PREPL: variants seen among roughly 807,000 people sequenced by gnomAD.
The protein encoded by PREPL is prolyl endopeptidase-like.
A neutral mutation model predicts 70.6 loss-of-function variants in PREPL; 77 were observed. The observed-to-expected ratio is 1.09, with a 90% CI of 0.91 to 1.32. The LOEUF (loss-of-function observed/expected upper bound fraction) is 1.32. Among genes scored for constraint, PREPL ranks in the 40% most tolerant of loss-of-function variants. The pLI, the probability that PREPL is intolerant of heterozygous loss-of-function variation, is 0.00. For synonymous variants in PREPL, 315 were observed against 264.8 expected, an observed-to-expected ratio of 1.19 and a Z score of -1.84; for missense variants, 1,002 against 778.2, an observed-to-expected ratio of 1.29 and a Z score of -3.42.
In PREPL at chr2:44,338,495, C is replaced by A. The variant is rs767015012; in HGVS notation, c.744G>T (p.Trp248Cys). ...TTCTCTTCATTGTAAAAAATAAATC[C>A]CAATTCATAATTGCAGGGGTATCAG... Reference protein sequence around the residue: ...TAADTPAIMNWDLFFTMKRNT... With the variant: ...TAADTPAIMNCDLFFTMKRNT... The change falls in exon 7 of 14, where the codon TGG becomes TGT. Residue 248 changes from tryptophan (W) to cysteine (C), a missense_variant. Physicochemically the swap from Trp to Cys is radical, Grantham distance 215 (BLOSUM62 -2). Transcript: ENST00000409411. The A allele has an allele frequency of 6.2e-7, 1 of 1,612,484 alleles. No homozygotes were observed. The highest frequency in any genetic ancestry group is 8.5e-7 in the Non-Finnish European group (1 of 1,179,568).
At chr2:44,336,790 T>C (rs528767189) in intron 7 of PREPL, among the ~76,000 whole-genome samples, 3 of 152,274 alleles carry the variant, frequency 2.0e-5, no homozygotes, top group African/African-American at 7.2e-5. Context: ...AGGACATCCC[T>C]CCAAGTCAGT....
intron 1 of PREPL, among the ~76,000 whole-genome samples, chr2:44,352,120 G>C (rs1572563047): frequency 6.6e-6 from 1 of 152,140 alleles, no homozygotes; most frequent in South Asian, 2.1e-4. Flanking sequence ...CATCTTCTAA[G>C]TTAGGCCTTT....
chr2:44,359,851 C>T (rs1677482657), intron 1 of PREPL: 2 of 617,042 alleles, frequency 3.2e-6, no homozygotes, highest in South Asian at 2.1e-5. Context: ...AGGGCCATGC[C>T]CCACTTAGGT....
At chr2:44,326,988 G>T in intron 9 of PREPL, 60 bp from the exon 10 acceptor site, 1 of 1,420,152 alleles carries the variant, frequency 7.0e-7, no homozygotes. Context: ...GTAGGCTGGG[G>T]TCAGCGAACT....
intron 10 of PREPL, among the ~76,000 whole-genome samples, chr2:44,324,630 C>A (rs1265163958): frequency 6.6e-6 from 1 of 152,070 alleles, no homozygotes; most frequent in Non-Finnish European, 1.5e-5. Flanking sequence ...GTAATCCCAG[C>A]ACATTGGGAG....
chr2:44,346,259 A>C lies in PREPL; in HGVS notation c.75+9T>G, dbSNP rs772193990. The C allele has an allele frequency of 6.2e-7, 1 of 1,604,222 alleles. No homozygotes were observed. The highest frequency in any genetic ancestry group is 8.5e-7 in the Non-Finnish European group (1 of 1,177,050). ...AAAAATTTTTTTTTAAAGACATGAGATATCTTACTTCCACATTGATGATTT... is the reference window on the plus strand; with the variant it reads ...AAAAATTTTTTTTTAAAGACATGAGCTATCTTACTTCCACATTGATGATTT... On this transcript the variant is annotated intron_variant, in intron 2 of 13. Coordinates refer to ENST00000409411, the MANE Select transcript of PREPL (RefSeq NM_001171613.2).
At chr2:44,339,629 T>C (rs1485394786) in intron 5 of PREPL, among the ~76,000 whole-genome samples, 4 of 152,220 alleles carry the variant, frequency 2.6e-5, no homozygotes, top group African/African-American at 9.6e-5. Context: ...GAAAAAACCA[T>C]CTTGATTCCA....
intron 5 of PREPL, among the ~76,000 whole-genome samples, chr2:44,340,256 C>T (rs1307903223): frequency 6.6e-6 from 1 of 151,756 alleles, no homozygotes; most frequent in African/African-American, 2.4e-5. Flanking sequence ...AGATATTTTC[C>T]CCTTCCATGA....
intron 9 of PREPL, among the ~76,000 whole-genome samples, chr2:44,328,019 C>G (rs533046318): frequency 4.6e-4 from 68 of 149,054 alleles, no homozygotes; most frequent in African/African-American, 1.6e-3. Flanking sequence ...GGTACGGTGG[C>G]TCATGCCTGT....
At chr2:44,345,019 A>G (rs1056886519) in intron 2 of PREPL, among the ~76,000 whole-genome samples, 5 of 152,216 alleles carry the variant, frequency 3.3e-5, no homozygotes, top group Non-Finnish European at 5.9e-5. Flanking sequence ...TAACTTTCTG[A>G]GACTCCTTCC....
chr2:44,345,384 C>G (rs1043281668), intron 2 of PREPL, among the ~76,000 whole-genome samples: 2 of 151,770 alleles, frequency 1.3e-5, no homozygotes, highest in South Asian at 2.1e-4. Flanking sequence ...CAGAGTCTTG[C>G]TCTGTCACCC....
At chr2:44,350,465 C>T (rs555046194) in intron 1 of PREPL, among the ~76,000 whole-genome samples, 2 of 152,236 alleles carry the variant, frequency 1.3e-5, no homozygotes, top group South Asian at 4.1e-4. Flanking sequence ...AGTTATCTTA[C>T]ACAGAAATAT....
rs193080703 is a variant in PREPL at position 44,319,428 on chromosome 2, T to C, written c.*1928A>G. The C allele has an allele frequency of 4.3e-4, 66 of 152,530 alleles. No individual in the cohort carries two copies. Among genetic ancestry groups the C allele is most frequent in the African/African-American group, 1.5e-3 (63 of 41,556 alleles). 9.4% of individuals were successfully genotyped at this position (152,530 alleles called of 1,614,324 possible). On this transcript the variant is annotated 3_prime_UTR_variant, in exon 14 of 14. Coordinates refer to ENST00000409411, the MANE Select transcript of PREPL (RefSeq NM_001171613.2). ...AAAATACAAAATATTAGAAACACTATCGTCAAAATGAAAGGGCATGGCTGA... is the reference window on the plus strand; with the variant it reads ...AAAATACAAAATATTAGAAACACTACCGTCAAAATGAAAGGGCATGGCTGA...
Position 44,321,095 on chromosome 2 carries a change from C to G in PREPL, c.*261G>C, listed in dbSNP as rs1245232872. On this transcript the variant is annotated 3_prime_UTR_variant, in exon 14 of 14. Coordinates refer to ENST00000409411, the MANE Select transcript of PREPL (RefSeq NM_001171613.2). ...GCCTGGAGCTCTGCTATCACCAATC[C>G]TTCCCTTCCCTCTACTCCACATCCT... 4.5e-6 allele frequency: 2 copies of G among 445,134 alleles called. No individual in the cohort carries two copies. The highest frequency in any genetic ancestry group is 4.0e-5 in the African/African-American group (2 of 50,518). The allele number at this position is 445,134 out of a possible 1,614,324, so 27.6% of individuals were successfully genotyped here. A position where few individuals can be genotyped will look rare whatever the true frequency, so the allele number is the denominator to read the frequency against.
chr2:44,343,721 G>C lies in PREPL; in HGVS notation c.349+24C>G. The C allele has an allele frequency of 1.9e-6, 3 of 1,587,474 alleles. No homozygotes were observed. The South Asian group carries it at 3.3e-5, about 18-fold the overall frequency. On this transcript the variant is annotated intron_variant, in intron 4 of 13. Transcript: ENST00000409411. ...TGTTACCGTTGCCTTTCAACACAGA[G>C]GACTATTTTGGTTGGTGGCTTACCA...
intron 1 of PREPL, chr2:44,359,806 GTAAC>G: frequency 1.1e-6 from 1 of 883,824 alleles, no homozygotes; most frequent in South Asian, 1.6e-5. Flanking sequence ...GGTTCTCAGA[GTAAC>G]TAAGATCAGC....
chr2:44,356,057 T>C (rs964786456), intron 1 of PREPL, among the ~76,000 whole-genome samples: 5 of 152,102 alleles, frequency 3.3e-5, no homozygotes, highest in African/African-American at 1.2e-4. Flanking sequence ...TATAATAGAG[T>C]AAGTTCATCT....
At chr2:44,336,416 T>C (rs1042297455) in intron 7 of PREPL, among the ~76,000 whole-genome samples, 1 of 152,140 alleles carries the variant, frequency 6.6e-6, no homozygotes, top group African/African-American at 2.4e-5. Context: ...GCCATTATCC[T>C]AAGCAAGCCA....
intron 2 of PREPL, among the ~76,000 whole-genome samples, 166 bp from the exon 3 acceptor site, chr2:44,344,752 T>C (rs1675605602): frequency 6.6e-6 from 1 of 152,192 alleles, no homozygotes. Context: ...TACAATGTAG[T>C]TGATAAGATA....
Sources: gnomAD v4.1 joint callset for allele counts (sites outside exome capture counted in the v4.1 genomes callset) on GRCh38, gnomAD v4.1.1 for gene constraint, MANE v1.5 for transcripts, NCBI Gene and HGNC (gene_info 2026-07-23, HGNC 2026-07-21) for gene names.